The following XKR9 variants were observed in gnomAD, a reference collection of about 807,000 sequenced individuals.
XKR9 encodes XK-related protein 9.
A neutral mutation model predicts 32.0 loss-of-function variants in XKR9; 32 were observed. The observed-to-expected ratio is 1.00, with a 90% confidence interval of 0.76 to 1.34. The LOEUF (loss-of-function observed/expected upper bound fraction) is 1.34. XKR9 is among the 40% of genes most tolerant of loss of function. The pLI is 0.00. For synonymous variants in XKR9, 168 were observed against 143.4 expected, an observed-to-expected ratio of 1.17 and a Z score of -1.22; for missense variants, 546 against 429.7, an observed-to-expected ratio of 1.27 and a Z score of -2.39.
At chr8:70,812,833 G>A in the XKR9 span, among the ~76,000 whole-genome samples, 3 of 152,190 alleles carry the variant, frequency 2.0e-5, no homozygotes, top group Admixed American at 1.3e-4. Context: ...CTCATGGATA[G>A]GGAGAATCAA....
chr8:70,806,223 C>T, the XKR9 span, among the ~76,000 whole-genome samples: 5 of 152,160 alleles, frequency 3.3e-5, no homozygotes, highest in South Asian at 2.1e-4. Flanking sequence ...ACAATAGCAT[C>T]GACAACAACA....
chr8:70,905,467 C>T, the XKR9 span, among the ~76,000 whole-genome samples: 1 of 152,184 alleles, frequency 6.6e-6, no homozygotes, highest in Admixed American at 6.5e-5. Context: ...TTTTCAGCTC[C>T]ATCAGGTCAT....
chr8:70,817,474 A>G, the XKR9 span, among the ~76,000 whole-genome samples: 15 of 152,320 alleles, frequency 9.8e-5, no homozygotes, highest in African/African-American at 3.4e-4. Context: ...AAGAAATCAC[A>G]GATAATACAA....
At chr8:70,777,915 C>T (rs1807555284) in intron 2 of XKR9, among the ~76,000 whole-genome samples, 1 of 152,096 alleles carries the variant, frequency 6.6e-6, no homozygotes, top group Non-Finnish European at 1.5e-5. Flanking sequence ...CCTGTTCATT[C>T]TGATGATAGT....
Position 70,669,340 on chromosome 8 carries a change from G to T in XKR9, c.-559G>T. 3.7e-6 allele frequency: 2 copies of T among 545,492 alleles called. No homozygotes were observed. Among genetic ancestry groups the T allele is most frequent in the South Asian group, 4.5e-5 (2 of 44,062 alleles). The allele number at this position is 545,492 out of a possible 1,614,324, so 33.8% of individuals were successfully genotyped here. On this transcript the variant is annotated 5_prime_UTR_variant, in exon 1 of 5. Coordinates refer to ENST00000408926, the MANE Select transcript of XKR9 (RefSeq NM_001011720.2). ...GGGTGGGGGGGGCGGTGCGGAACTAGAGGTCACGTGACGCCGCGCGGGCTG... is the reference window on the plus strand; with the variant it reads ...GGGTGGGGGGGGCGGTGCGGAACTATAGGTCACGTGACGCCGCGCGGGCTG...
chr8:70,818,896 C>T, the XKR9 span, among the ~76,000 whole-genome samples: 9 of 152,274 alleles, frequency 5.9e-5, no homozygotes, highest in South Asian at 1.2e-3. Flanking sequence ...AGCTCTGGAA[C>T]GGTGAGACAA....
the XKR9 span, among the ~76,000 whole-genome samples, chr8:70,803,829 T>A: frequency 6.6e-6 from 1 of 152,232 alleles, no homozygotes; most frequent in Non-Finnish European, 1.5e-5. Context: ...TCAGCCCTAA[T>A]CTGGTGACCA....
At chr8:70,758,846 G>A (rs1807266279) in intron 2 of XKR9, among the ~76,000 whole-genome samples, 1 of 152,216 alleles carries the variant, frequency 6.6e-6, no homozygotes. Context: ...TAACAGCAAA[G>A]CTCTCCTTAT....
chr8:70,950,369 C>G, the XKR9 span, among the ~76,000 whole-genome samples: 1 of 152,140 alleles, frequency 6.6e-6, no homozygotes, highest in Non-Finnish European at 1.5e-5. Context: ...GAGGAAGTAA[C>G]TCTTGAGCTG....
At chr8:71,009,474 T>C in the XKR9 span, among the ~76,000 whole-genome samples, 1 of 152,312 alleles carries the variant, frequency 6.6e-6, no homozygotes, top group African/African-American at 2.4e-5. Flanking sequence ...CATGTTTGAA[T>C]CTTAGCACTA....
chr8:70,928,713 T>C, the XKR9 span, among the ~76,000 whole-genome samples: 1 of 152,124 alleles, frequency 6.6e-6, no homozygotes, highest in East Asian at 1.9e-4. Flanking sequence ...GGCCAGACTA[T>C]CCTCTGGCCA....
the XKR9 span, among the ~76,000 whole-genome samples, chr8:70,898,030 G>A: frequency 1.2e-3 from 184 of 152,204 alleles, no homozygotes; most frequent in Middle Eastern, 3.4e-3. Flanking sequence ...TCTTTCAGTA[G>A]TTTCATAGTT....
the XKR9 span, among the ~76,000 whole-genome samples, chr8:70,934,089 ATG>A: frequency 2.0e-5 from 3 of 152,068 alleles, no homozygotes; most frequent in Admixed American, 1.3e-4. Flanking sequence ...GTATTTTTGT[ATG>A]TATAAAATTA....
At chr8:70,817,332 T>C in the XKR9 span, among the ~76,000 whole-genome samples, 3 of 152,102 alleles carry the variant, frequency 2.0e-5, no homozygotes, top group South Asian at 6.2e-4. Context: ...GCACCAATAA[T>C]GTTCAAGTTG....
intron 2 of XKR9, among the ~76,000 whole-genome samples, chr8:70,679,960 T>A (rs1203384078): frequency 6.6e-6 from 1 of 151,990 alleles, no homozygotes; most frequent in Non-Finnish European, 1.5e-5. Flanking sequence ...ATTTTTATTT[T>A]AAAAAATTAT....
At chr8:70,820,775 G>T in the XKR9 span, among the ~76,000 whole-genome samples, 1 of 152,102 alleles carries the variant, frequency 6.6e-6, no homozygotes, top group African/African-American at 2.4e-5. Context: ...GTGAGAACTC[G>T]CTCATTATCA....
intron 3 of XKR9, among the ~76,000 whole-genome samples, chr8:70,681,958 A>T (rs1015215738): frequency 1.3e-5 from 2 of 152,134 alleles, no homozygotes; most frequent in Non-Finnish European, 2.9e-5. Context: ...TGAATGTATT[A>T]AAAAAATTCC....
the XKR9 span, among the ~76,000 whole-genome samples, chr8:71,036,742 C>T: frequency 2.0e-5 from 3 of 152,192 alleles, 1 homozygote; most frequent in East Asian, 5.8e-4. Flanking sequence ...CTCGAGCTTT[C>T]AGAACTGGGG....
the XKR9 span, among the ~76,000 whole-genome samples, chr8:70,985,818 G>A: frequency 4.6e-5 from 7 of 151,608 alleles, no homozygotes; most frequent in African/African-American, 1.7e-4. Context: ...TAAAGAGCAC[G>A]CACAAATATT....
Sources: gnomAD v4.1 joint callset for allele counts (sites outside exome capture counted in the v4.1 genomes callset) on GRCh38, gnomAD v4.1.1 for gene constraint, MANE v1.5 for transcripts, NCBI Gene and HGNC (gene_info 2026-07-23, HGNC 2026-07-21) for gene names.